The following MDFIC2 variants were observed in gnomAD, a reference collection of about 807,000 sequenced individuals.
MDFIC2 encodes myoD family inhibitor domain-containing protein 2.
rs1408367521 is a variant in MDFIC2, at chr3:70,196,713, T to A, written c.*213A>T. ...TGTTCATCACATGTGATCAAGAATC[T>A]TATTTTTCAGTGAGCCATGCGGTTG... On this transcript the variant is annotated 3_prime_UTR_variant, in exon 4 of 4. Coordinates refer to ENST00000567252, the MANE Select transcript of MDFIC2 (RefSeq NM_001364677.1). 1.3e-5 allele frequency among the ~76,000 whole-genome samples: 2 copies of A among 152,216 alleles called. No homozygotes were observed. Among genetic ancestry groups the A allele is most frequent in the Non-Finnish European group, 2.9e-5 (2 of 68,048 alleles).
intron 3 of MDFIC2, among the ~76,000 whole-genome samples, chr3:70,206,108 T>G (rs952519058): frequency 1.3e-5 from 2 of 152,184 alleles, no homozygotes; most frequent in East Asian, 3.9e-4. Flanking sequence ...TTCTCATAGA[T>G]TGCTGATGAG....
intron 2 of MDFIC2, among the ~76,000 whole-genome samples, chr3:70,244,812 A>T (rs1191992648): frequency 6.6e-6 from 1 of 152,238 alleles, no homozygotes; most frequent in East Asian, 1.9e-4. Context: ...CTATGTATAT[A>T]TCCATGCCTC....
At chr3:70,210,883 A>G (rs1352294558) in intron 2 of MDFIC2, among the ~76,000 whole-genome samples, 1 of 152,140 alleles carries the variant, frequency 6.6e-6, no homozygotes, top group African/African-American at 2.4e-5. Context: ...CAGCTAGTTA[A>G]GTTTTTATTA....
intron 2 of MDFIC2, among the ~76,000 whole-genome samples, chr3:70,251,477 G>A (rs1032002467): frequency 6.6e-6 from 1 of 151,978 alleles, no homozygotes; most frequent in Non-Finnish European, 1.5e-5. Context: ...TCAATGTATT[G>A]GTCTACACTT....
chr3:70,302,488 T>A (rs1702359451), intron 2 of MDFIC2: 1 of 152,184 alleles, frequency 6.6e-6, no homozygotes, highest in South Asian at 2.1e-4. Context: ...TATACTAATG[T>A]TGATTAAGTG....
intron 2 of MDFIC2, among the ~76,000 whole-genome samples, chr3:70,274,995 A>T (rs1471775016): frequency 6.6e-6 from 1 of 152,100 alleles, no homozygotes; most frequent in African/African-American, 2.4e-5. Flanking sequence ...GAGAATGAAG[A>T]TTCTCAGAAC....
intron 2 of MDFIC2, among the ~76,000 whole-genome samples, chr3:70,230,504 A>G (rs907169006): frequency 5.9e-5 from 9 of 151,990 alleles, no homozygotes; most frequent in African/African-American, 2.2e-4. Context: ...TGAATCATAT[A>G]TATATATATA....
chr3:70,298,010 A>G (rs1702306236), intron 2 of MDFIC2, among the ~76,000 whole-genome samples: 1 of 152,110 alleles, frequency 6.6e-6, no homozygotes, highest in Admixed American at 6.6e-5. Flanking sequence ...TCTAAATATA[A>G]CAAGGAAAAT....
chr3:70,242,720 A>G (rs1409529454), intron 2 of MDFIC2, among the ~76,000 whole-genome samples: 1 of 152,230 alleles, frequency 6.6e-6, no homozygotes, highest in Non-Finnish European at 1.5e-5. Flanking sequence ...ATTACAGTGC[A>G]TTATGTATAA....
intron 2 of MDFIC2, among the ~76,000 whole-genome samples, chr3:70,249,937 T>G (rs1257821295): frequency 1.3e-5 from 2 of 152,180 alleles, no homozygotes; most frequent in African/African-American, 2.4e-5. Flanking sequence ...GTACTCCAAG[T>G]GGCCTCTGTT....
intron 2 of MDFIC2, among the ~76,000 whole-genome samples, chr3:70,290,766 G>T (rs1313724895): frequency 6.6e-6 from 1 of 152,150 alleles, no homozygotes; most frequent in Non-Finnish European, 1.5e-5. Flanking sequence ...CTCGTGGTGC[G>T]CCGTTTTTTA....
chr3:70,283,528 G>A (rs1017194019), intron 2 of MDFIC2: 3 of 152,030 alleles, frequency 2.0e-5, no homozygotes, highest in Non-Finnish European at 4.4e-5. Context: ...GACAGAACTG[G>A]GTTGAAATCA....
intron 3 of MDFIC2, chr3:70,205,062 T>C (rs1198321697): frequency 6.6e-6 from 1 of 152,120 alleles, no homozygotes; most frequent in Non-Finnish European, 1.5e-5. Flanking sequence ...CATAATCTGA[T>C]AGCTACAGGT....
intron 3 of MDFIC2, among the ~76,000 whole-genome samples, chr3:70,199,748 T>A (rs931233092): frequency 9.2e-5 from 14 of 152,198 alleles, no homozygotes; most frequent in African/African-American, 3.1e-4. Flanking sequence ...AGTATATTTT[T>A]CTTTGCCTGC....
intron 3 of MDFIC2, among the ~76,000 whole-genome samples, chr3:70,202,173 G>T (rs777247094): frequency 6.6e-6 from 1 of 152,138 alleles, no homozygotes; most frequent in Non-Finnish European, 1.5e-5. Context: ...TCTGGTAATG[G>T]TTAGTGACTA....
At chr3:70,244,266 C>G (rs1280380404) in intron 2 of MDFIC2, among the ~76,000 whole-genome samples, 2 of 152,194 alleles carry the variant, frequency 1.3e-5, no homozygotes, top group African/African-American at 2.4e-5. Context: ...TGAGTATTCT[C>G]TGTTCTAACT....
At chr3:70,246,023 T>G (rs2106646099) in intron 2 of MDFIC2, among the ~76,000 whole-genome samples, 1 of 151,774 alleles carries the variant, frequency 6.6e-6, no homozygotes, top group African/African-American at 2.4e-5. Context: ...ACTTGCATTG[T>G]TAAATATATA....
intron 2 of MDFIC2, among the ~76,000 whole-genome samples, chr3:70,220,262 C>T (rs978413987): frequency 1.1e-4 from 17 of 151,758 alleles, no homozygotes; most frequent in African/African-American, 1.9e-4. Flanking sequence ...GAAAATATGC[C>T]GCATTAAAAA....
intron 2 of MDFIC2, among the ~76,000 whole-genome samples, chr3:70,276,265 G>T (rs1476824638): frequency 1.3e-5 from 2 of 151,992 alleles, no homozygotes; most frequent in East Asian, 3.9e-4. Context: ...TATTTTAAAA[G>T]CATAAATATT....
Sources: allele counts gnomAD v4.1 joint callset (sites outside exome capture counted in the v4.1 genomes callset), GRCh38; gene constraint gnomAD v4.1.1; transcripts MANE v1.5; gene names NCBI Gene and HGNC (gene_info 2026-07-23, HGNC 2026-07-21).